The following ZNF280D variants were observed in gnomAD, a reference collection of about 807,000 sequenced individuals.
ZNF280D encodes suppressor of hairy wing homolog 4.
In ZNF280D, 39 loss-of-function variants were observed where a neutral mutation model predicts 94.7. The ratio of observed to expected loss-of-function variants is 0.41; its 90% CI spans 0.32 to 0.54. ZNF280D has a LOEUF of 0.54. ZNF280D is among the 20% of genes least tolerant of loss of function. The pLI is 0.22. For synonymous variants in ZNF280D, 398 were observed against 377.6 expected (o/e 1.05, Z -0.63); for missense variants, 1,090 against 1,149.3 (o/e 0.95, Z 0.75).
intron 1 of ZNF280D, among the ~76,000 whole-genome samples, chr15:56,710,419 A>G (rs2141286100): frequency 6.6e-6 from 1 of 152,182 alleles, no homozygotes; most frequent in South Asian, 2.1e-4. Context: ...CGAAAAAATA[A>G]AATAAAATAG....
intron 14 of ZNF280D, 48 bp downstream of exon 14, chr15:56,668,775 A>AT: frequency 1.3e-6 from 2 of 1,484,842 alleles, no homozygotes; most frequent in Non-Finnish European, 1.8e-6. Context: ...GCAGGAGTTA[A>AT]TTTCTATTAT....
In ZNF280D at chr15:56,707,322, A is replaced by G. The variant is rs2057468344; in HGVS notation, c.-85-16T>C. On this transcript the variant is annotated splice_polypyrimidine_tract_variant and intron_variant, in intron 1 of 21. Transcript: ENST00000267807. ...GTTTTCCTTCCTATAAAATAAAGAT[A>G]CCAACTATTAGGGTGGACTTCATTA... 6.6e-7 allele frequency: 1 copy of G among 1,520,324 alleles called. No individual in the cohort carries two copies. Among genetic ancestry groups the G allele is most frequent in the African/African-American group, 1.4e-5 (1 of 72,768 alleles). The allele number at this position is 1,520,324 out of a possible 1,614,324, so 94.2% of individuals were successfully genotyped here.
chr15:56,730,732 G>T (rs2058841817), intron 1 of ZNF280D: 1 of 152,158 alleles, frequency 6.6e-6, no homozygotes, highest in South Asian at 2.1e-4. Context: ...CCCTAAAGTA[G>T]ATGGGTTAGT....
chr15:56,643,361 C>A (rs1276778843), intron 19 of ZNF280D, among the ~76,000 whole-genome samples: 1 of 151,548 alleles, frequency 6.6e-6, no homozygotes, highest in Non-Finnish European at 1.5e-5. Context: ...AGGTTATATG[C>A]TTACATAAGT....
chr15:56,649,383 A>T (rs2053080774), intron 19 of ZNF280D, among the ~76,000 whole-genome samples: 1 of 152,158 alleles, frequency 6.6e-6, no homozygotes. Flanking sequence ...CTTACCAGAT[A>T]TCAAAGGCAG....
chr15:56,658,597 A>T (rs1322764218), intron 16 of ZNF280D, 111 bp from the exon 17 acceptor site: 12 of 690,932 alleles, frequency 1.7e-5, no homozygotes, highest in Middle Eastern at 4.1e-4. Context: ...AAAGATTATA[A>T]TGTAAATAAT....
At chr15:56,652,670 C>T in intron 19 of ZNF280D, 1 of 985,250 alleles carries the variant, frequency 1.0e-6, no homozygotes, top group South Asian at 4.7e-5. Context: ...ACATTAATGG[C>T]TAAGTAGACA....
chr15:56,700,397 T>G, intron 6 of ZNF280D: 9 of 560,226 alleles, frequency 1.6e-5, no homozygotes, highest in Non-Finnish European at 2.0e-5. Context: ...AATTTACCTA[T>G]AGCATTTAGC....
chr15:56,724,907 A>G, intron 1 of ZNF280D: 1 of 455,160 alleles, frequency 2.2e-6, no homozygotes, highest in Non-Finnish European at 4.4e-6. Flanking sequence ...TAAGAAAGCT[A>G]TTTCCATGTT....
At chr15:56,635,800 C>G (rs576945707) in intron 20 of ZNF280D, 1 of 152,148 alleles carries the variant, frequency 6.6e-6, no homozygotes, top group Non-Finnish European at 1.5e-5. Flanking sequence ...AGTGTAAAAC[C>G]TCAGTAAGCC....
intron 13 of ZNF280D, among the ~76,000 whole-genome samples, chr15:56,673,148 C>G (rs2054980554): frequency 1.3e-5 from 2 of 152,024 alleles, no homozygotes; most frequent in African/African-American, 4.8e-5. Context: ...CATCCAGTTT[C>G]ATGGTTTTTA....
intron 13 of ZNF280D, among the ~76,000 whole-genome samples, chr15:56,673,905 G>C (rs1033066233): frequency 5.3e-5 from 8 of 151,778 alleles, no homozygotes; most frequent in Non-Finnish European, 1.0e-4. Context: ...GACCACTCCT[G>C]TACTCCTACC....
Position 56,675,049 on chromosome 15 carries a change from A to G in ZNF280D, c.1410+1621T>C, listed in dbSNP as rs186048334. Among the ~76,000 whole-genome samples, 169 of 152,112 alleles carry G rather than the reference A, an allele frequency of 1.1e-3. 1 individual carries two copies. The highest frequency in any genetic ancestry group is 5.0e-3 in the South Asian group (24 of 4,816). On this transcript the variant is annotated intron_variant, in intron 13 of 21. Transcript: ENST00000267807. ...TTGTAAATACCTTCAAAGATGCCCA[A>G]TGATCCTTACTAATAGACTGCCCCC...
chr15:56,689,061 G>A lies in ZNF280D; in HGVS notation c.760C>T (p.Pro254Ser). ...KCNIHFNLLDPLKNHMKYCCP... is the reference protein window; with the variant it reads ...KCNIHFNLLDSLKNHMKYCCP... ...TTTACCTTCATGTGATTTTTCAAAG[G>A]ATCCAAAAGATTGAAATGAATGTTG... The change falls in exon 9 of 22, where the codon CCT becomes TCT. Residue 254 changes from proline (P) to serine (S), a missense_variant. Pro to Ser is a moderately conservative substitution (Grantham distance 74, BLOSUM62 -1). This residue lies in a region of ZNF280D where 386 missense variants were observed against 372.0 expected (regional missense o/e 1.04). Coordinates refer to ENST00000267807, the MANE Select transcript of ZNF280D (RefSeq NM_017661.4). The A allele has an allele frequency of 6.3e-7, 1 of 1,598,686 alleles. No individual in the cohort carries two copies. The highest frequency in any genetic ancestry group is 8.5e-7 in the Non-Finnish European group (1 of 1,174,334).
At chr15:56,692,566 T>C (rs2056485171) in intron 7 of ZNF280D, among the ~76,000 whole-genome samples, 2 of 152,114 alleles carry the variant, frequency 1.3e-5, no homozygotes, top group Non-Finnish European at 2.9e-5. Flanking sequence ...ACAGGGAAAG[T>C]TCACTAATCC....
At chr15:56,634,683 C>A (rs2052263533) in intron 21 of ZNF280D, among the ~76,000 whole-genome samples, 1 of 152,116 alleles carries the variant, frequency 6.6e-6, no homozygotes, top group African/African-American at 2.4e-5. Flanking sequence ...TGTTCAGATT[C>A]TCTTCTGCTA....
intron 20 of ZNF280D, among the ~76,000 whole-genome samples, chr15:56,640,259 T>C (rs568889302): frequency 3.3e-4 from 50 of 152,156 alleles, no homozygotes; most frequent in Non-Finnish European, 6.3e-4. Context: ...AATGCCCCTA[T>C]AAGTTTTGCT....
intron 9 of ZNF280D, among the ~76,000 whole-genome samples, chr15:56,686,082 C>A (rs2055992975): frequency 6.6e-6 from 1 of 152,122 alleles, no homozygotes; most frequent in Non-Finnish European, 1.5e-5. Context: ...AAGGCACTAA[C>A]CATTAAAACC....
At chr15:56,721,271 G>T (rs2141405029) in intron 1 of ZNF280D, among the ~76,000 whole-genome samples, 1 of 152,248 alleles carries the variant, frequency 6.6e-6, no homozygotes, top group East Asian at 1.9e-4. Context: ...ACATCTGGCA[G>T]ATTTAGCACA....
Sources: allele counts gnomAD v4.1 joint callset (sites outside exome capture counted in the v4.1 genomes callset), GRCh38; gene constraint gnomAD v4.1.1; regional missense constraint gnomAD v4.1.1; transcripts MANE v1.5; gene names NCBI Gene and HGNC (gene_info 2026-07-23, HGNC 2026-07-21).